Variants in PTPRG observed in about 807,000 individuals in gnomAD.
PTPRG encodes receptor-type tyrosine-protein phosphatase gamma.
Under a neutral mutation model 165.3 loss-of-function variants are expected in PTPRG, and 102 were observed. The ratio of observed to expected loss-of-function variants is 0.62; its 90% confidence interval spans 0.53 to 0.73. The LOEUF (loss-of-function observed/expected upper bound fraction) is 0.73. Among genes scored for constraint, PTPRG ranks in the 30% least tolerant of loss-of-function variants. The pLI is 0.00. For missense variants in PTPRG, 1,866 were observed against 1,861.4 expected (o/e 1.00, Z -0.05); for synonymous variants, 675 against 669.5 (o/e 1.01, Z -0.13).
At chr3:62,109,831 TC>T (rs1702603651) in intron 5 of PTPRG, among the ~76,000 whole-genome samples, 1 of 152,184 alleles carries the variant, frequency 6.6e-6, no homozygotes, top group African/African-American at 2.4e-5. Context: ...GGTAAATTTT[TC>T]CACAACCCAG....
intron 2 of PTPRG, among the ~76,000 whole-genome samples, chr3:61,805,502 G>C (rs2035385674): frequency 6.9e-6 from 1 of 144,848 alleles, no homozygotes; most frequent in Non-Finnish European, 1.5e-5. Context: ...ACAAATCCCA[G>C]GCCTACTCTT....
chr3:61,996,879 T>C (rs911368117), intron 3 of PTPRG, among the ~76,000 whole-genome samples: 2 of 152,186 alleles, frequency 1.3e-5, no homozygotes, highest in Non-Finnish European at 2.9e-5. Flanking sequence ...AAGCTCCATT[T>C]TCTTTGTTAT....
intron 9 of PTPRG, 31 bp downstream of exon 9, chr3:62,191,684 A>T: frequency 6.2e-7 from 1 of 1,600,458 alleles, no homozygotes; most frequent in Non-Finnish European, 8.5e-7. Context: ...TTCAGGGTAC[A>T]TGCTGCAGAG....
chr3:62,220,261 T>G (rs773073577), intron 13 of PTPRG, among the ~76,000 whole-genome samples: 15 of 152,228 alleles, frequency 9.9e-5, no homozygotes, highest in Non-Finnish European at 1.8e-4. Flanking sequence ...ATGCACTGCC[T>G]TTCACTCGAA....
At chr3:61,742,294 G>C (rs1387132384) in intron 1 of PTPRG, among the ~76,000 whole-genome samples, 4 of 152,004 alleles carry the variant, frequency 2.6e-5, no homozygotes, top group African/African-American at 9.7e-5. Flanking sequence ...ATGTCCGGTG[G>C]CTCTGGGAAA....
intron 3 of PTPRG, among the ~76,000 whole-genome samples, chr3:61,994,006 C>T (rs1289090357): frequency 1.3e-5 from 2 of 152,196 alleles, no homozygotes; most frequent in Admixed American, 1.3e-4. Flanking sequence ...GTACCTAGCC[C>T]ACTTCTCGAA....
At chr3:62,253,053 T>C (rs1366933539) in intron 15 of PTPRG, among the ~76,000 whole-genome samples, 2 of 152,224 alleles carry the variant, frequency 1.3e-5, no homozygotes, top group African/African-American at 4.8e-5. Flanking sequence ...TCTGGGCATG[T>C]GTGTGTGACA....
intron 4 of PTPRG, among the ~76,000 whole-genome samples, chr3:62,059,908 C>A (rs1700751406): frequency 6.6e-6 from 1 of 152,100 alleles, no homozygotes; most frequent in African/African-American, 2.4e-5. Flanking sequence ...TGTTTGCTTC[C>A]CCCTCCACCA....
In PTPRG at chr3:61,885,055, G is replaced by A. The variant is rs557854561; in HGVS notation, c.191-104570G>A. Among the ~76,000 whole-genome samples, 6 of 152,172 alleles carry A rather than the reference G, an allele frequency of 3.9e-5. No individual in the cohort carries two copies. The South Asian group carries it at 1.2e-3, about 32-fold the overall frequency. ...ATGTGTGGTGTTTGCTTTCATTGTC[G>A]GCTGTAGTAAAATGTCATTTATTGC... On this transcript the variant is annotated intron_variant, in intron 2 of 29. Transcript: ENST00000474889.
chr3:61,618,207 A>G (rs568458646), intron 1 of PTPRG, among the ~76,000 whole-genome samples: 2 of 152,336 alleles, frequency 1.3e-5, no homozygotes, highest in Non-Finnish European at 2.9e-5. Flanking sequence ...AAAAAAATCC[A>G]TTTGTATTTC....
chr3:61,887,170 A>ATATATATATTTTTTTTTT (rs60282456), intron 2 of PTPRG, among the ~76,000 whole-genome samples: 8 of 115,534 alleles, frequency 6.9e-5, no homozygotes, highest in African/African-American at 2.6e-4. Context: ...ATATATATAT[A>ATATATATATTTTTTTTTT]TTTTTAATGC....
intron 8 of PTPRG, among the ~76,000 whole-genome samples, chr3:62,178,248 TGGATGTATGGGAGGATGGAG>T (rs1176377183): frequency 6.6e-6 from 1 of 151,984 alleles, no homozygotes; most frequent in Non-Finnish European, 1.5e-5. Context: ...CATGGATCCA[TGGATGTATGGGAGGATGGAG>T]GGATGGATGG....
At chr3:61,606,381 C>G (rs1277547256) in intron 1 of PTPRG, among the ~76,000 whole-genome samples, 3 of 152,158 alleles carry the variant, frequency 2.0e-5, no homozygotes, top group Non-Finnish European at 4.4e-5. Flanking sequence ...TTTGTAGTCT[C>G]TTTTAAAAGA....
intron 2 of PTPRG, among the ~76,000 whole-genome samples, chr3:61,930,849 T>G (rs1272690866): frequency 3.3e-5 from 5 of 152,084 alleles, no homozygotes; most frequent in Admixed American, 2.0e-4. Flanking sequence ...CATCACGAGG[T>G]CAGGAGTTCG....
chr3:62,130,151 C>T (rs1703459501), intron 5 of PTPRG, among the ~76,000 whole-genome samples: 1 of 152,150 alleles, frequency 6.6e-6, no homozygotes, highest in Non-Finnish European at 1.5e-5. Flanking sequence ...GATGGTTCCA[C>T]TGAGGCTGGA....
intron 1 of PTPRG, among the ~76,000 whole-genome samples, chr3:61,723,195 T>C (rs2106799824): frequency 1.3e-5 from 2 of 152,352 alleles, no homozygotes; most frequent in South Asian, 4.1e-4. Flanking sequence ...AATAAACTTT[T>C]GTTTTATTTC....
chr3:61,594,828 GC>G (rs1317742807), intron 1 of PTPRG, among the ~76,000 whole-genome samples: 2 of 152,178 alleles, frequency 1.3e-5, no homozygotes, highest in African/African-American at 2.4e-5. Context: ...ACTGAGAAAT[GC>G]GCACAGTGTG....
chr3:61,743,281 CTT>C (rs2106890599), intron 1 of PTPRG, among the ~76,000 whole-genome samples: 2 of 152,308 alleles, frequency 1.3e-5, no homozygotes, highest in South Asian at 4.1e-4. Flanking sequence ...TAGCAACCAA[CTT>C]GACTTAAGAT....
chr3:62,157,195 C>T lies in PTPRG; in HGVS notation c.811C>T (p.Arg271Trp), dbSNP rs368783424. Reference sequence around the variant, plus strand: ...CGAAATAGTGGAGTGGATAGTCTTCCGGAGACCCGTCCCCATCTCTTACCA... The same window carrying T: ...CGAAATAGTGGAGTGGATAGTCTTCTGGAGACCCGTCCCCATCTCTTACCA... ...CSEIVEWIVF[R>W]RPVPISYHQL... Residue 271 changes from arginine to tryptophan, a missense_variant, in exon 7 of 30, where the codon CGG becomes TGG. This residue lies in a region of PTPRG where 408 missense variants were observed against 376.2 expected (regional missense o/e 1.08). Transcript: ENST00000474889. 58 of 1,613,732 alleles carry T rather than the reference C, an allele frequency of 3.6e-5. No individual in the cohort carries two copies. Among genetic ancestry groups the T allele is most frequent in the East Asian group, 8.9e-5 (4 of 44,874 alleles).
Sources: allele counts gnomAD v4.1 joint callset (sites outside exome capture counted in the v4.1 genomes callset), GRCh38; gene constraint gnomAD v4.1.1; regional missense constraint gnomAD v4.1.1; transcripts MANE v1.5; gene names NCBI Gene and HGNC (gene_info 2026-07-23, HGNC 2026-07-21).